SOCS2: variants seen among roughly 807,000 people sequenced by gnomAD.
SOCS2 encodes suppressor of cytokine signaling 2.
In SOCS2, 10 loss-of-function variants were observed where a neutral mutation model predicts 18.6. That is an observed-to-expected ratio of 0.54 (90% CI 0.33 to 0.91). The LOEUF (loss-of-function observed/expected upper bound fraction) is 0.91. Ranked by LOEUF, SOCS2 falls within the 40% of genes least tolerant of loss-of-function variation. SOCS2 has a pLI of 0.02. For synonymous variants in SOCS2, 104 were observed against 104.0 expected (o/e 1.00, Z 0.00); for missense variants, 231 against 247.2 (o/e 0.93, Z 0.44).
chr12:93,586,168 T>C (rs867491835), downstream of SOCS2, among the ~76,000 whole-genome samples: 36 of 152,200 alleles, frequency 2.4e-4, no homozygotes, highest in African/African-American at 8.0e-4. Flanking sequence ...AAAAAGTTTC[T>C]GAATGACCGG....
chr12:93,620,919 G>C, the SOCS2 span, among the ~76,000 whole-genome samples: 139 of 152,284 alleles, frequency 9.1e-4, no homozygotes, highest in African/African-American at 3.2e-3. Flanking sequence ...ATACCTTTGG[G>C]AAGCCCACTC....
the SOCS2 span, among the ~76,000 whole-genome samples, chr12:93,616,620 G>C: frequency 6.6e-6 from 1 of 152,126 alleles, no homozygotes. Flanking sequence ...ACCACCCACT[G>C]TCACATAACA....
chr12:93,605,197 C>T, the SOCS2 span, among the ~76,000 whole-genome samples: 1 of 152,222 alleles, frequency 6.6e-6, no homozygotes, highest in African/African-American at 2.4e-5. Flanking sequence ...CCACCACCCA[C>T]ATTTAACAAG....
At chr12:93,583,365 C>A (rs1476733515) in exon 2 of SOCS2, 1 of 151,928 alleles carries the variant, frequency 6.6e-6, no homozygotes, top group Non-Finnish European at 1.5e-5. Context: ...GATAAGAGTG[C>A]CATTGAGCTT....
the SOCS2 span, among the ~76,000 whole-genome samples, chr12:93,607,821 C>A: frequency 3.9e-5 from 6 of 152,068 alleles, no homozygotes; most frequent in Non-Finnish European, 7.4e-5. Context: ...GGGTCCTGGC[C>A]CCCTGGAATA....
At chr12:93,624,682 T>C in the SOCS2 span, among the ~76,000 whole-genome samples, 1 of 152,184 alleles carries the variant, frequency 6.6e-6, no homozygotes, top group Non-Finnish European at 1.5e-5. Context: ...GAAGGCACTG[T>C]TTTATAAGAG....
chr12:93,599,049 T>C, the SOCS2 span, among the ~76,000 whole-genome samples: 1 of 152,330 alleles, frequency 6.6e-6, no homozygotes, highest in South Asian at 2.1e-4. Flanking sequence ...TAAAATCATA[T>C]GTCATTGTTA....
intron 1 of SOCS2, 62 bp downstream of exon 1, chr12:93,573,098 G>A: frequency 6.5e-7 from 1 of 1,535,600 alleles, no homozygotes. Flanking sequence ...AAGCAGCTAG[G>A]AAGCGGGGTC....
At chr12:93,570,361 T>A (rs1257000678), upstream of SOCS2, 1 of 152,276 alleles carries the variant, frequency 6.6e-6, no homozygotes, top group Non-Finnish European at 1.5e-5. Context: ...CCGGCGCCGC[T>A]TAAGGAGGCG....
the SOCS2 span, among the ~76,000 whole-genome samples, chr12:93,625,826 C>T: frequency 2.6e-5 from 4 of 151,514 alleles, no homozygotes. Flanking sequence ...GGAAACTGCT[C>T]TCTTAGCACA....
chr12:93,614,536 C>CTTTCTTTCT, the SOCS2 span, among the ~76,000 whole-genome samples: 1 of 60,920 alleles, frequency 1.6e-5, no homozygotes, highest in Admixed American at 2.2e-4. Context: ...TCCTTCCTTC[C>CTTTCTTTCT]TTCCTTCTTT....
chr12:93,608,564 C>T, the SOCS2 span, among the ~76,000 whole-genome samples: 1 of 151,780 alleles, frequency 6.6e-6, no homozygotes, highest in Non-Finnish European at 1.5e-5. Flanking sequence ...GATGATATTA[C>T]ATAGTTCATA....
At chr12:93,605,418 T>C in the SOCS2 span, among the ~76,000 whole-genome samples, 1 of 152,140 alleles carries the variant, frequency 6.6e-6, no homozygotes, top group Non-Finnish European at 1.5e-5. Context: ...AGAAATTGGG[T>C]GGATGAGGCC....
the SOCS2 span, among the ~76,000 whole-genome samples, chr12:93,619,915 C>T: frequency 6.6e-6 from 1 of 152,220 alleles, no homozygotes; most frequent in East Asian, 1.9e-4. Flanking sequence ...ATCTTTCTCT[C>T]TTCTGGATAT....
At chr12:93,571,356 G>T (rs1015337170), upstream of SOCS2, 5 of 152,368 alleles carry the variant, frequency 3.3e-5, no homozygotes, top group African/African-American at 1.2e-4. Flanking sequence ...GAGAGAGTCC[G>T]AACCGCGGCT....
chr12:93,580,354 GC>G (rs1235854430), downstream of SOCS2, among the ~76,000 whole-genome samples: 1 of 152,116 alleles, frequency 6.6e-6, no homozygotes, highest in African/African-American at 2.4e-5. Context: ...AGGCACAGTG[GC>G]TCATGCCTGC....
the SOCS2 span, among the ~76,000 whole-genome samples, chr12:93,609,485 TAATA>T: frequency 9.5e-3 from 1,445 of 151,796 alleles, 20 homozygotes; most frequent in African/African-American, 0.032. Context: ...ATTACCTTAA[TAATA>T]AATTAATTAC....
chr12:93,572,832 G>T lies in SOCS2; in HGVS notation c.-66G>T. ...GGGATTCGCACTGACTTCAAGGAAGGACGCGAACCCTTCTCTGACCCCAGC... is the reference window on the plus strand; with the variant it reads ...GGGATTCGCACTGACTTCAAGGAAGTACGCGAACCCTTCTCTGACCCCAGC... On this transcript the variant is annotated 5_prime_UTR_variant, in exon 1 of 2. Coordinates refer to ENST00000551556, the MANE Select transcript of SOCS2 (RefSeq NM_001270471.2). This position sits in a 1 kb window ranked among gnomAD's most constrained non-coding sequence, Gnocchi z 5.0. The T allele has an allele frequency of 1.3e-6, 2 of 1,550,236 alleles. No individual in the cohort carries two copies. The highest frequency in any genetic ancestry group is 1.2e-5 in the South Asian group (1 of 84,090).
the SOCS2 span, among the ~76,000 whole-genome samples, chr12:93,613,217 A>G: frequency 6.6e-6 from 1 of 152,236 alleles, no homozygotes; most frequent in African/African-American, 2.4e-5. Flanking sequence ...CTTTTAAAAC[A>G]ACAAAGCTTC....
Sources: gnomAD v4.1 joint callset for allele counts (sites outside exome capture counted in the v4.1 genomes callset) on GRCh38, gnomAD v4.1.1 for gene constraint, Gnocchi (gnomAD v3.1) non-coding constraint, MANE v1.5 for transcripts, NCBI Gene and HGNC (gene_info 2026-07-23, HGNC 2026-07-21) for gene names.